The following SGPP2 variants were observed in gnomAD, a reference collection of about 807,000 sequenced individuals.
SGPP2 encodes the protein sphingosine-1-phosphate phosphatase 2, also known as sphingosine 1-phosphate phosphohydrolase 2.
In SGPP2, 30 loss-of-function variants were observed where a neutral mutation model predicts 33.9. The observed-to-expected ratio is 0.89, with a 90% CI of 0.66 to 1.20. SGPP2 has a LOEUF of 1.20. SGPP2 is among the 50% of genes most tolerant of loss of function. SGPP2 has a pLI of 0.00. For synonymous variants in SGPP2, 233 were observed against 225.0 expected (o/e 1.04, Z -0.32); for missense variants, 458 against 532.1 (o/e 0.86, Z 1.37).
At chr2:222,441,336 A>T (rs779085106) in intron 1 of SGPP2, among the ~76,000 whole-genome samples, 2 of 152,234 alleles carry the variant, frequency 1.3e-5, no homozygotes, top group African/African-American at 4.8e-5. Flanking sequence ...CAAATATCCA[A>T]TTGTAAAAGA....
chr2:222,540,817 G>GTTTTT (rs750932260), intron 4 of SGPP2, among the ~76,000 whole-genome samples: 18 of 108,424 alleles, frequency 1.7e-4, no homozygotes, highest in Admixed American at 3.3e-4. Context: ...CTTATAAACT[G>GTTTTT]TTTTTTTTTT....
At chr2:222,468,238 C>T (rs1559152256) in intron 1 of SGPP2, among the ~76,000 whole-genome samples, 1 of 151,938 alleles carries the variant, frequency 6.6e-6, no homozygotes, top group Admixed American at 6.6e-5. Flanking sequence ...GGGCGGGGAG[C>T]GGCTGGCCTG....
Position 222,465,906 on chromosome 2 carries a change from T to A in SGPP2, c.220-8662T>A, listed in dbSNP as rs1697738060. On this transcript the variant is annotated intron_variant, in intron 1 of 4. Transcript: ENST00000321276. This position sits in a 1 kb window ranked among gnomAD's most constrained non-coding sequence, Gnocchi z 4.1. ...CTCCTTATCCAGGGCTCAGCTCAAA[T>A]GGCTCCTCTGTGGCAAGCATCCCCA... Among the ~76,000 whole-genome samples, 1 of 152,186 alleles carries A rather than the reference T, an allele frequency of 6.6e-6. No individual in the cohort carries two copies. Among genetic ancestry groups the A allele is most frequent in the Admixed American group, 6.5e-5 (1 of 15,276 alleles).
intron 2 of SGPP2, among the ~76,000 whole-genome samples, chr2:222,517,026 G>A (rs1030405555): frequency 6.6e-6 from 1 of 152,072 alleles, no homozygotes; most frequent in African/African-American, 2.4e-5. Flanking sequence ...TAACCTCCTA[G>A]GAGCTCCCAC....
intron 2 of SGPP2, among the ~76,000 whole-genome samples, chr2:222,509,130 GA>G (rs58850832): frequency 1.9e-4 from 28 of 145,858 alleles, no homozygotes; most frequent in East Asian, 8.0e-4. Context: ...ATTCCAAGGA[GA>G]AAAAAAAAAG....
In SGPP2 at chr2:222,477,017, ATATAGGTGTGTATATATGTGTATGTGTG is replaced by A. The variant is rs1203230544; in HGVS notation, c.378+2313_378+2340del. ...ATTTTGTGTATTTATGTGTGTATGT[ATATAGGTGTGTATATATGTGTATGTGTG>A]TATAGGTGTGTATATATGTGTGTTT... is the stretch of plus-strand genomic sequence containing the variant. On this transcript the variant is annotated intron_variant, in intron 2 of 4. Transcript: ENST00000321276. The surrounding 1 kb of genome is among the most constrained non-coding windows in gnomAD (Gnocchi z 6.0). Among the ~76,000 whole-genome samples, 22 of 149,040 alleles carry A rather than the reference ATATAGGTGTGTATATATGTGTATGTGTG, an allele frequency of 1.5e-4. No homozygotes were observed. Among genetic ancestry groups the A allele is most frequent in the South Asian group, 2.1e-4 (1 of 4,804 alleles).
intron 2 of SGPP2, among the ~76,000 whole-genome samples, chr2:222,483,108 G>A (rs997412184): frequency 5.3e-5 from 8 of 152,270 alleles, no homozygotes; most frequent in East Asian, 1.9e-4. Flanking sequence ...GTATTTCATC[G>A]CTTGTGCAGA....
chr2:222,463,142 G>T (rs973099810), intron 1 of SGPP2, among the ~76,000 whole-genome samples: 1 of 152,264 alleles, frequency 6.6e-6, no homozygotes, highest in African/African-American at 2.4e-5. Flanking sequence ...GACTCTTTTG[G>T]CAAAATGTCC....
intron 1 of SGPP2, among the ~76,000 whole-genome samples, chr2:222,428,185 G>A (rs547418319): frequency 3.9e-5 from 6 of 152,272 alleles, no homozygotes; most frequent in African/African-American, 1.4e-4. Flanking sequence ...GTGAAAAGAG[G>A]TGGTATTGCT....
chr2:222,450,352 C>T (rs188023120), intron 1 of SGPP2, among the ~76,000 whole-genome samples: 1 of 152,342 alleles, frequency 6.6e-6, no homozygotes, highest in East Asian at 1.9e-4. Context: ...CTCCTTTTAG[C>T]AGCAGCATAG....
intron 1 of SGPP2, among the ~76,000 whole-genome samples, chr2:222,430,143 G>A (rs1255509292): frequency 1.3e-5 from 2 of 152,190 alleles, no homozygotes; most frequent in African/African-American, 2.4e-5. Flanking sequence ...GACAATAGCA[G>A]GAGTAACTCA....
chr2:222,504,879 G>T (rs956454206), intron 2 of SGPP2: 4 of 152,194 alleles, frequency 2.6e-5, no homozygotes, highest in African/African-American at 9.7e-5. Context: ...AAAAAGGTGA[G>T]GCTTCTATTT....
intron 1 of SGPP2, among the ~76,000 whole-genome samples, chr2:222,452,002 CTGTT>C (rs1399163870): frequency 6.6e-6 from 1 of 150,756 alleles, no homozygotes; most frequent in Non-Finnish European, 1.5e-5. Context: ...TGGATTTGAA[CTGTT>C]TGGGATCACT....
chr2:222,497,536 C>G (rs1041154074), intron 2 of SGPP2, among the ~76,000 whole-genome samples: 5 of 152,138 alleles, frequency 3.3e-5, no homozygotes, highest in Non-Finnish European at 5.9e-5. Context: ...CACGAGCCAC[C>G]GCACCTAGCA....
At chr2:222,489,629 C>A (rs1698167016) in intron 2 of SGPP2, among the ~76,000 whole-genome samples, 1 of 151,926 alleles carries the variant, frequency 6.6e-6, no homozygotes, top group Admixed American at 6.6e-5. Context: ...TCCTACAGGG[C>A]AGTCAAAAGG....
At position 222,560,042 on chromosome 2, in the gene SGPP2, G is replaced by A. The variant is rs924319423; in HGVS notation, c.*1144G>A. The A allele has an allele frequency of 1.3e-5, 2 of 152,336 alleles. No homozygotes were observed. Among genetic ancestry groups the A allele is most frequent in the African/African-American group, 4.8e-5 (2 of 41,460 alleles). The allele number at this position is 152,336 out of a possible 1,614,324, so 9.4% of individuals were successfully genotyped here. On this transcript the variant is annotated 3_prime_UTR_variant, in exon 5 of 5. Transcript: ENST00000321276. ...GGTTGGGGGTTAGCCTTCAGCACAG[G>A]TGGATACATCTGGGATTCACTGAGA...
chr2:222,484,218 T>A (rs535930975), intron 2 of SGPP2, among the ~76,000 whole-genome samples: 1 of 152,180 alleles, frequency 6.6e-6, no homozygotes, highest in African/African-American at 2.4e-5. Context: ...TCTTTTTTTA[T>A]GATGATGACT....
chr2:222,449,938 C>T (rs80138338), intron 1 of SGPP2, among the ~76,000 whole-genome samples: 3,999 of 152,144 alleles, frequency 0.026, 158 homozygotes, highest in African/African-American at 0.087. Flanking sequence ...AGTTCAGACA[C>T]GGGTTTGAGG....
chr2:222,551,403 A>T (rs1689291811), intron 4 of SGPP2, among the ~76,000 whole-genome samples: 2 of 152,208 alleles, frequency 1.3e-5, no homozygotes. Flanking sequence ...CAGTTCAGAG[A>T]CAGATATTTT....
Sources: allele counts gnomAD v4.1 joint callset (sites outside exome capture counted in the v4.1 genomes callset), GRCh38; gene constraint gnomAD v4.1.1; non-coding constraint Gnocchi (gnomAD v3.1); transcripts MANE v1.5; gene names NCBI Gene and HGNC (gene_info 2026-07-23, HGNC 2026-07-21).